VWA8: variants seen among roughly 807,000 people sequenced by gnomAD.
VWA8 encodes the protein von Willebrand factor A domain containing 8.
VWA8 carries 221 observed loss-of-function variants against 241.5 expected under a neutral mutation model. That is an observed-to-expected ratio of 0.91 (90% CI 0.82 to 1.02). The LOEUF (loss-of-function observed/expected upper bound fraction) is 1.02. Ranked by LOEUF, VWA8 falls within the 50% of genes least tolerant of loss-of-function variation. The probability of loss-of-function intolerance (pLI) is 0.00; values close to 1 mark genes in which losing one functional copy is unlikely to be tolerated. For synonymous variants in VWA8, 852 were observed against 827.1 expected, an observed-to-expected ratio of 1.03 and a Z score of -0.52; for missense variants, 2,322 against 2,328.7, an observed-to-expected ratio of 1.00 and a Z score of 0.06.
At chr13:41,844,646 CA>C (rs1326142120) in intron 12 of VWA8, among the ~76,000 whole-genome samples, 1 of 152,178 alleles carries the variant, frequency 6.6e-6, no homozygotes. Flanking sequence ...TTTCAGTATA[CA>C]AAACCAATGA....
intron 17 of VWA8, among the ~76,000 whole-genome samples, chr13:41,809,483 G>T (rs1359970667): frequency 1.3e-5 from 2 of 152,172 alleles, no homozygotes; most frequent in Admixed American, 1.3e-4. Flanking sequence ...TGACAAATGT[G>T]TCAAGACCAT....
intron 37 of VWA8, among the ~76,000 whole-genome samples, chr13:41,668,192 G>A (rs1224592202): frequency 6.6e-6 from 1 of 152,166 alleles, no homozygotes; most frequent in African/African-American, 2.4e-5. Flanking sequence ...TTTTGTGGTG[G>A]ATGGCATGGC....
At chr13:41,758,390 ATACGCTAG>A (rs1482099397) in intron 21 of VWA8, among the ~76,000 whole-genome samples, 320 of 13,470 alleles carry the variant, frequency 0.024, 16 homozygotes, top group Non-Finnish European at 0.057. Flanking sequence ...ATATATATAT[ATACGCTAG>A]TATATATATA....
intron 21 of VWA8, among the ~76,000 whole-genome samples, chr13:41,739,609 T>C (rs1027402855): frequency 7.2e-5 from 11 of 152,148 alleles, no homozygotes; most frequent in Non-Finnish European, 1.5e-4. Flanking sequence ...CAAAAAATAG[T>C]ATACAAATAA....
At chr13:41,746,861 T>C (rs563475414) in intron 21 of VWA8, among the ~76,000 whole-genome samples, 67 of 152,250 alleles carry the variant, frequency 4.4e-4, no homozygotes, top group African/African-American at 1.5e-3. Flanking sequence ...TAGGCTGAAG[T>C]GTAGATTGTA....
intron 23 of VWA8, among the ~76,000 whole-genome samples, chr13:41,727,744 C>T (rs1170186582): frequency 6.6e-6 from 1 of 152,090 alleles, no homozygotes; most frequent in Admixed American, 6.6e-5. Flanking sequence ...ATAGAGCCTG[C>T]CATTATGCAG....
intron 26 of VWA8, 95 bp from the exon 27 acceptor site, chr13:41,703,506 T>G: frequency 9.8e-7 from 1 of 1,019,844 alleles, no homozygotes; most frequent in South Asian, 1.4e-5. Context: ...ACAAATAAAT[T>G]TGAAGAGTGC....
chr13:41,664,232 T>A (rs775287102), intron 37 of VWA8, among the ~76,000 whole-genome samples: 1 of 152,034 alleles, frequency 6.6e-6, no homozygotes, highest in Non-Finnish European at 1.5e-5. Context: ...CCTCTTTGAT[T>A]TTCTCTTTAG....
Position 41,751,265 on chromosome 13 carries a change from A to C in VWA8, c.2426+9863T>G, listed in dbSNP as rs773969667. Among the ~76,000 whole-genome samples, 7 of 152,348 alleles carry C rather than the reference A, an allele frequency of 4.6e-5. No individual in the cohort carries two copies. The Middle Eastern group carries it at 0.014, about 296-fold the overall frequency. On this transcript the variant is annotated intron_variant, in intron 21 of 44. Transcript: ENST00000379310. ...ATAATTCATTTTTTAAAAAATTAAA[A>C]AGGGGGGGCAGTAGAAGGCATTATT...
rs1235027380 is a variant in VWA8, at chr13:41,747,707, C to G, written c.2426+13421G>C. Among the ~76,000 whole-genome samples the G allele has an allele frequency of 4.6e-5, 7 of 152,122 alleles. No homozygotes were observed. In the East Asian group the frequency reaches 1.3e-3, roughly 29 times the overall value. On this transcript the variant is annotated intron_variant, in intron 21 of 44. Transcript: ENST00000379310. ...CAAAGGGAATGCTTCCAGTTTTCAC[C>G]CATTCAGTATGATATTGGCTGCGGG...
intron 14 of VWA8, among the ~76,000 whole-genome samples, chr13:41,829,192 T>C (rs1299967886): frequency 2.6e-5 from 4 of 152,130 alleles, no homozygotes; most frequent in Admixed American, 2.0e-4. Context: ...CACAATGAGA[T>C]ACCACCTTAC....
In VWA8 at chr13:41,567,229, G is replaced by T. The variant is rs770863681; in HGVS notation, c.*968C>A. 3 of 151,990 alleles carry T rather than the reference G, an allele frequency of 2.0e-5. No homozygotes were observed. Among genetic ancestry groups the T allele is most frequent in the African/African-American group, 4.8e-5 (2 of 41,376 alleles). 9.4% of individuals were successfully genotyped at this position (151,990 alleles called of 1,614,324 possible). A position where few individuals can be genotyped will look rare whatever the true frequency, so the allele number is the denominator to read the frequency against. On this transcript the variant is annotated 3_prime_UTR_variant, in exon 45 of 45. Transcript: ENST00000379310. ...ACATTTTGAAAGAAAAGAGAATGAG[G>T]CTTTAAAAAAAGTTGTTTTCTTTCT...
At chr13:41,820,325 A>G (rs958011717) in intron 14 of VWA8, among the ~76,000 whole-genome samples, 38 of 152,324 alleles carry the variant, frequency 2.5e-4, no homozygotes, top group African/African-American at 8.9e-4. Flanking sequence ...CTATAACATT[A>G]TATTACAACC....
intron 44 of VWA8, among the ~76,000 whole-genome samples, chr13:41,569,077 G>A (rs191923171): frequency 6.6e-6 from 1 of 152,316 alleles, no homozygotes; most frequent in East Asian, 1.9e-4. Flanking sequence ...TCCTTTCACT[G>A]TGCCAGTGAA....
At chr13:41,713,235 C>T (rs551183781) in intron 26 of VWA8, among the ~76,000 whole-genome samples, 10 of 151,972 alleles carry the variant, frequency 6.6e-5, no homozygotes, top group Middle Eastern at 3.4e-3. Context: ...TTCCAGTGTC[C>T]GGAGAGTCAA....
chr13:41,568,368 CCTGG>C, intron 44 of VWA8, 63 bp from the exon 45 acceptor site: 2 of 1,361,120 alleles, frequency 1.5e-6, no homozygotes, highest in Non-Finnish European at 2.1e-6. Flanking sequence ...CACCTCCTGC[CCTGG>C]CAAACCACAG....
intron 26 of VWA8, among the ~76,000 whole-genome samples, chr13:41,716,025 G>A (rs940986178): frequency 6.6e-6 from 1 of 151,774 alleles, no homozygotes; most frequent in Non-Finnish European, 1.5e-5. Context: ...TCCTTATTTG[G>A]TTATGTTTGC....
intron 42 of VWA8, among the ~76,000 whole-genome samples, chr13:41,585,689 C>A (rs891548951): frequency 2.6e-5 from 4 of 151,794 alleles, no homozygotes; most frequent in Non-Finnish European, 4.4e-5. Context: ...CATGGTGAAA[C>A]CCCATCTCTA....
chr13:41,874,104 T>A (rs1265217269), intron 9 of VWA8, among the ~76,000 whole-genome samples: 326 of 151,974 alleles, frequency 2.1e-3, no homozygotes, highest in Middle Eastern at 6.8e-3. Flanking sequence ...TCTCAATAGA[T>A]GCAGAAAAGG....
Sources: allele counts gnomAD v4.1 joint callset (sites outside exome capture counted in the v4.1 genomes callset), GRCh38; gene constraint gnomAD v4.1.1; transcripts MANE v1.5; gene names NCBI Gene and HGNC (gene_info 2026-07-23, HGNC 2026-07-21).